The following PXT1 variants were observed in gnomAD, a reference collection of about 807,000 sequenced individuals.
The protein encoded by PXT1 is peroxisomal testis enriched protein 1.
A neutral mutation model predicts 11.0 loss-of-function variants in PXT1; 11 were observed. The observed-to-expected ratio is 1.00, with a 90% CI of 0.63 to 1.66. The LOEUF (loss-of-function observed/expected upper bound fraction) is 1.66. PXT1 is among the 40% of genes most tolerant of loss of function. The pLI is 0.00. For synonymous variants in PXT1, 43 were observed against 51.4 expected (o/e 0.84, Z 0.70); for missense variants, 141 against 155.5 (o/e 0.91, Z 0.49).
At chr6:36,410,871 T>A (rs549604377) in intron 3 of PXT1, among the ~76,000 whole-genome samples, 11 of 152,310 alleles carry the variant, frequency 7.2e-5, no homozygotes, top group African/African-American at 2.2e-4. Flanking sequence ...GGCATAGTGG[T>A]AGAATTCTGA....
intron 3 of PXT1, among the ~76,000 whole-genome samples, chr6:36,412,802 A>C (rs1470224293): frequency 2.0e-5 from 3 of 152,178 alleles, no homozygotes; most frequent in Non-Finnish European, 4.4e-5. Context: ...TTCATAAAAC[A>C]AAAGAGAATG....
intron 3 of PXT1, among the ~76,000 whole-genome samples, chr6:36,415,161 G>A (rs772155734): frequency 1.2e-4 from 18 of 152,112 alleles, no homozygotes; most frequent in Admixed American, 3.9e-4. Context: ...AAGAATTGCC[G>A]GCCAGGCGCG....
chr6:36,437,022 A>T (rs996379966), intron 2 of PXT1, among the ~76,000 whole-genome samples: 9 of 152,214 alleles, frequency 5.9e-5, no homozygotes, highest in African/African-American at 1.7e-4. Context: ...GCAGTGGCTC[A>T]TGCCTGTAAT....
chr6:36,415,717 C>T (rs897483508), intron 3 of PXT1, among the ~76,000 whole-genome samples: 2 of 152,024 alleles, frequency 1.3e-5, no homozygotes, highest in African/African-American at 2.4e-5. Context: ...AGCAGGTTTG[C>T]AGATTGAGGA....
Position 36,391,746 on chromosome 6 carries a change from G to T in PXT1, c.*24C>A, listed in dbSNP as rs763295830. On this transcript the variant is annotated 3_prime_UTR_variant, in exon 5 of 5. Coordinates refer to ENST00000454782, the MANE Select transcript of PXT1 (RefSeq NM_152990.4). The stretch of plus-strand genomic sequence containing the variant: ...AGAGGGTAAAAAGAAAACAGAACTT[G>T]ACCACTTGACCTTTACTTTCCTTTT... 6.8e-7 allele frequency: 1 copy of T among 1,472,710 alleles called. No homozygotes were observed. The highest frequency in any genetic ancestry group is 9.5e-7 in the Non-Finnish European group (1 of 1,051,944). 91.2% of individuals were successfully genotyped at this position (1,472,710 alleles called of 1,614,324 possible). A position where few individuals can be genotyped will look rare whatever the true frequency, so the allele number is the denominator to read the frequency against.
At chr6:36,402,676 G>A (rs899677318) in intron 3 of PXT1, among the ~76,000 whole-genome samples, 1 of 152,224 alleles carries the variant, frequency 6.6e-6, no homozygotes, top group African/African-American at 2.4e-5. Flanking sequence ...AGGATCAAGT[G>A]AGCAAAAGCT....
chr6:36,398,657 G>C (rs1774174595), intron 4 of PXT1, among the ~76,000 whole-genome samples: 1 of 152,152 alleles, frequency 6.6e-6, no homozygotes, highest in South Asian at 2.1e-4. Context: ...TATATAAAAT[G>C]TCCAGAATAG....
At chr6:36,433,182 CTG>C (rs1455093393) in intron 2 of PXT1, among the ~76,000 whole-genome samples, 1 of 151,894 alleles carries the variant, frequency 6.6e-6, no homozygotes, top group African/African-American at 2.4e-5. Flanking sequence ...TCACAGAAAA[CTG>C]AGACAATGCA....
chr6:36,400,428 C>T (rs765705979), intron 4 of PXT1, 26 bp downstream of exon 4: 4 of 1,611,220 alleles, frequency 2.5e-6, no homozygotes, highest in Non-Finnish European at 3.4e-6. Flanking sequence ...CCTGACAGGC[C>T]CTGGCTGGGG....
At chr6:36,439,642 C>A in intron 1 of PXT1, among the ~76,000 whole-genome samples, 1 of 35,010 alleles carries the variant, frequency 2.9e-5, no homozygotes, top group Non-Finnish European at 5.3e-5. Flanking sequence ...TCATATAAGG[C>A]TGAAAAAAAA....
chr6:36,417,767 C>CAAA (rs369423691), intron 3 of PXT1, among the ~76,000 whole-genome samples: 2 of 60,460 alleles, frequency 3.3e-5, no homozygotes, highest in African/African-American at 5.5e-5. Context: ...GATCCTGTCT[C>CAAA]AAAAAAAAAA....
In PXT1 at chr6:36,420,827, C is replaced by T. The variant is rs184014985; in HGVS notation, c.169+5087G>A. The stretch of plus-strand genomic sequence containing the variant: ...CAGCACTTTGGGAGTCCAAGGTGGG[C>T]GGATCACCTGAGGTCAGGAGTTTGA... On this transcript the variant is annotated intron_variant, in intron 3 of 4. Transcript: ENST00000454782. 1.3e-4 allele frequency among the ~76,000 whole-genome samples: 20 copies of T among 152,142 alleles called. No individual in the cohort carries two copies. In the East Asian group the frequency reaches 1.9e-3, roughly 15 times the overall value.
intron 3 of PXT1, among the ~76,000 whole-genome samples, chr6:36,420,689 G>A (rs1774511746): frequency 6.6e-6 from 1 of 152,062 alleles, no homozygotes; most frequent in Admixed American, 6.6e-5. Context: ...CACTTACAAC[G>A]TGCTATAAAA....
In PXT1 at chr6:36,408,146, G is replaced by T. The variant is rs142250633; in HGVS notation, c.170-7562C>A. On this transcript the variant is annotated intron_variant, in intron 3 of 4. Coordinates refer to ENST00000454782, the MANE Select transcript of PXT1 (RefSeq NM_152990.4). ...CCGGCTAATTTTTGTATTTTTAGTA[G>T]AAATAGGGTTTCACTATGTTGGTCA... Among the ~76,000 whole-genome samples the T allele has an allele frequency of 9.2e-4, 140 of 151,516 alleles. 1 individual carries two copies. In the East Asian group the frequency reaches 0.025, roughly 27 times the overall value.
chr6:36,395,524 A>C (rs1774131521), intron 4 of PXT1, among the ~76,000 whole-genome samples: 1 of 70,644 alleles, frequency 1.4e-5, no homozygotes. Context: ...TTTTTTTGAG[A>C]CAGGGTCTCA....
At chr6:36,423,106 A>G (rs1774545754) in intron 3 of PXT1, among the ~76,000 whole-genome samples, 1 of 152,108 alleles carries the variant, frequency 6.6e-6, no homozygotes, top group Non-Finnish European at 1.5e-5. Context: ...GTATGTGTAG[A>G]GCGCCCCCAA....
intron 3 of PXT1, 63 bp from the exon 4 acceptor site, chr6:36,400,647 C>G: frequency 6.7e-7 from 1 of 1,502,932 alleles, no homozygotes; most frequent in Non-Finnish European, 9.0e-7. Context: ...AAATCACTTA[C>G]CACTAGTTAC....
intron 2 of PXT1, among the ~76,000 whole-genome samples, chr6:36,427,015 C>CTT (rs71768864): frequency 0.41 from 57,753 of 140,948 alleles, 12,712 homozygotes; most frequent in African/African-American, 0.55. Context: ...CTTTTTTTTT[C>CTT]TTTTTTTTTT....
At chr6:36,415,415 G>C (rs573000557) in intron 3 of PXT1, among the ~76,000 whole-genome samples, 1 of 152,286 alleles carries the variant, frequency 6.6e-6, no homozygotes, top group East Asian at 1.9e-4. Context: ...CTGCACTCCA[G>C]CCTAGGCGAT....
Sources: allele counts gnomAD v4.1 joint callset (sites outside exome capture counted in the v4.1 genomes callset), GRCh38; gene constraint gnomAD v4.1.1; transcripts MANE v1.5; gene names NCBI Gene and HGNC (gene_info 2026-07-23, HGNC 2026-07-21).